Variants in ITIH4 observed in about 807,000 individuals in gnomAD.
ITIH4 encodes the protein inter-alpha-trypsin inhibitor heavy chain H4.
ITIH4 carries 79 observed loss-of-function variants against 111.8 expected under a neutral mutation model. The ratio of observed to expected loss-of-function variants is 0.71; its 90% CI spans 0.59 to 0.85. The LOEUF (loss-of-function observed/expected upper bound fraction) is 0.85, where lower values mean the gene tolerates loss of function less well. Ranked by LOEUF, ITIH4 falls within the 40% of genes least tolerant of loss-of-function variation. The pLI, the probability that ITIH4 is intolerant of heterozygous loss-of-function variation, is 0.00. For missense variants in ITIH4, 1,065 were observed against 1,195.8 expected, an observed-to-expected ratio of 0.89 and a Z score of 1.61; for synonymous variants, 472 against 468.3, an observed-to-expected ratio of 1.01 and a Z score of -0.10.
rs1700447878 is a variant in ITIH4, at chr3:52,824,369, C to T, written c.1045+28G>A. The stretch of plus-strand genomic sequence containing the variant: ...CCCAGCCAGGAGCCCTGGAAGCCCC[C>T]ACCCTGCAGGGCCACAGAGACACTT... On this transcript the variant is annotated intron_variant, in intron 8 of 23. Transcript: ENST00000266041. The surrounding 1 kb of genome is among the most constrained non-coding windows in gnomAD (Gnocchi z 4.3). The T allele has an allele frequency of 1.2e-6, 2 of 1,612,624 alleles. No individual in the cohort carries two copies. Among genetic ancestry groups the T allele is most frequent in the Non-Finnish European group, 1.7e-6 (2 of 1,178,942 alleles).
Position 52,829,171 on chromosome 3 carries a change from C to T in ITIH4, c.199G>A (p.Ala67Thr). The change falls in exon 2 of 24, where the codon GCC becomes ACC. Residue 67 changes from alanine (A) to threonine (T), a missense_variant. Coordinates refer to ENST00000266041, the MANE Select transcript of ITIH4 (RefSeq NM_002218.5). ...VVNRANTVQE[A>T]TFQMELPKKA... is the part of the protein sequence containing the mutation. The stretch of plus-strand genomic sequence containing the variant: ...TTGGGCAGCTCCATCTGGAAGGTGG[C>T]CTCCTGCACAGTATTGGCCCTATTG... The T allele has an allele frequency of 6.2e-7, 1 of 1,612,208 alleles. No individual in the cohort carries two copies. Among genetic ancestry groups the T allele is most frequent in the Non-Finnish European group, 8.5e-7 (1 of 1,178,542 alleles).
intron 2 of ITIH4, among the ~76,000 whole-genome samples, chr3:52,827,850 G>A (rs1700509847): frequency 6.6e-6 from 1 of 152,264 alleles, no homozygotes; most frequent in African/African-American, 2.4e-5. Context: ...AGAAAGAATG[G>A]CCCAGGCCAT....
In ITIH4 at chr3:52,824,643, ACTC is replaced by A. The variant is rs1700453992; in HGVS notation, c.877-81_877-79del. 2.7e-6 allele frequency: 4 copies of A among 1,467,092 alleles called. No individual in the cohort carries two copies. Among genetic ancestry groups the A allele is most frequent in the Admixed American group, 3.8e-5 (2 of 52,832 alleles). 90.9% of individuals were successfully genotyped at this position (1,467,092 alleles called of 1,614,324 possible). A position where few individuals can be genotyped will look rare whatever the true frequency, so the allele number is the denominator to read the frequency against. The stretch of plus-strand genomic sequence containing the variant: ...TGTGCCCTAGGGCTGGCATCCTTGG[ACTC>A]CTGTCTCAGGGGTGAGGTCATGGTA... On this transcript the variant is annotated intron_variant, in intron 7 of 23. Coordinates refer to ENST00000266041, the MANE Select transcript of ITIH4 (RefSeq NM_002218.5). The surrounding 1 kb of genome is among the most constrained non-coding windows in gnomAD (Gnocchi z 4.3).
Position 52,824,609 on chromosome 3 carries a change from G to A in ITIH4, c.877-44C>T, listed in dbSNP as rs374271698. The stretch of plus-strand genomic sequence containing the variant: ...CATAGGTGCTTCAGAAGGGCTCCCT[G>A]AGGGCTCGTGTGCCCTAGGGCTGGC... On this transcript the variant is annotated intron_variant, in intron 7 of 23. Coordinates refer to ENST00000266041, the MANE Select transcript of ITIH4 (RefSeq NM_002218.5). The surrounding 1 kb of genome is among the most constrained non-coding windows in gnomAD (Gnocchi z 4.3). 1.1e-5 allele frequency: 18 copies of A among 1,574,902 alleles called. No individual in the cohort carries two copies. Among genetic ancestry groups the A allele is most frequent in the Non-Finnish European group, 1.6e-5 (18 of 1,159,962 alleles).
intron 14 of ITIH4, 114 bp from the exon 15 acceptor site, chr3:52,820,104 T>C: frequency 7.6e-7 from 1 of 1,310,154 alleles, no homozygotes. Flanking sequence ...AGCCAATATT[T>C]GAATGCACAG....
chr3:52,816,349 G>C (rs1417516594), intron 21 of ITIH4, among the ~76,000 whole-genome samples: 1 of 152,222 alleles, frequency 6.6e-6, no homozygotes, highest in Non-Finnish European at 1.5e-5. Context: ...CCTTAGCAAA[G>C]CTCCAAGGAT....
At position 52,814,237 on chromosome 3, in the gene ITIH4, G is replaced by A. The variant is rs1486998339; in HGVS notation, c.2598C>T (p.Arg866=). The A allele has an allele frequency of 6.2e-7, 1 of 1,613,616 alleles. No individual in the cohort carries two copies. Among genetic ancestry groups the A allele is most frequent in the Admixed American group, 1.7e-5 (1 of 59,994 alleles). Residue 866 remains arginine, a synonymous_variant, in exon 22 of 24, where the codon CGC becomes CGT. Coordinates refer to ENST00000266041, the MANE Select transcript of ITIH4 (RefSeq NM_002218.5). ...GGGTCCCTCCAACGTGGCTGGAGAAGCGGTCAGTGTCACGCAGAAGGAGCC... is the reference window on the plus strand; with the variant it reads ...GGGTCCCTCCAACGTGGCTGGAGAAACGGTCAGTGTCACGCAGAAGGAGCC... ...GLRLLLRDTD[R]FSSHVGGTLG... is the part of the protein sequence containing the mutation.
Position 52,824,639 on chromosome 3 carries a change from T to C in ITIH4, c.877-74A>G, listed in dbSNP as rs1157743841. 4 of 1,481,288 alleles carry C rather than the reference T, an allele frequency of 2.7e-6. No homozygotes were observed. The highest frequency in any genetic ancestry group is 1.8e-4 in the Middle Eastern group (1 of 5,552). 91.8% of individuals were successfully genotyped at this position (1,481,288 alleles called of 1,614,324 possible). ...CTCGTGTGCCCTAGGGCTGGCATCC[T>C]TGGACTCCTGTCTCAGGGGTGAGGT... On this transcript the variant is annotated intron_variant, in intron 7 of 23. Transcript: ENST00000266041. The surrounding 1 kb of genome is among the most constrained non-coding windows in gnomAD (Gnocchi z 4.3).
rs532310437 is a variant in ITIH4 at position 52,825,901 on chromosome 3, G to T, written c.744C>A (p.Ser248=). The T allele has an allele frequency of 1.2e-6, 2 of 1,613,906 alleles. No homozygotes were observed. Among genetic ancestry groups the T allele is most frequent in the South Asian group, 2.2e-5 (2 of 91,052 alleles). The change falls in exon 6 of 24, where the codon TCC becomes TCA. Residue 248 remains serine (S), a synonymous_variant. Coordinates refer to ENST00000266041, the MANE Select transcript of ITIH4 (RefSeq NM_002218.5). ...GTCCACCCACCTGAATGGAGCCCCC[G>T]GAGATGGCCCGGTCCACATCATAGC... ...IIRYDVDRAI[S]GGSIQIENGY... is the part of the protein sequence containing the mutation.
rs1700444341 is a variant in ITIH4 at position 52,824,211 on chromosome 3, T to G, written c.1150A>C (p.Thr384Pro). ...EGSVSLIILL[T>P]DGDPTVGETN... ...TCACCCACAGTGGGGTCGCCATCGG[T>G]GAGCAGGATGATGAGTGAGACACTC... The change falls in exon 9 of 24, where the codon ACC becomes CCC. Residue 384 changes from threonine to proline, a missense_variant. Physicochemically the swap from Thr to Pro is conservative, Grantham distance 38 (BLOSUM62 -1). Coordinates refer to ENST00000266041, the MANE Select transcript of ITIH4 (RefSeq NM_002218.5). The surrounding 1 kb of genome is among the most constrained non-coding windows in gnomAD (Gnocchi z 4.3). 3 of 1,613,200 alleles carry G rather than the reference T, an allele frequency of 1.9e-6. No individual in the cohort carries two copies. The highest frequency in any genetic ancestry group is 2.5e-6 in the Non-Finnish European group (3 of 1,179,972).
intron 23 of ITIH4, 86 bp downstream of exon 23, chr3:52,813,889 A>G: frequency 6.8e-6 from 7 of 1,029,970 alleles, no homozygotes; most frequent in Non-Finnish European, 8.9e-6. Context: ...CAAGGACAGG[A>G]GTGGGGCCCT....
At chr3:52,813,850 C>G in intron 23 of ITIH4, 125 bp downstream of exon 23, 1 of 759,176 alleles carries the variant, frequency 1.3e-6, no homozygotes, top group Non-Finnish European at 2.2e-6. Flanking sequence ...CAGCATCAAC[C>G]TTCCACCGGA....
Position 52,818,252 on chromosome 3 carries a change from C to T in ITIH4, c.2179+5G>A. On this transcript the variant is annotated splice_donor_5th_base_variant and intron_variant, in intron 19 of 23. Coordinates refer to ENST00000266041, the MANE Select transcript of ITIH4 (RefSeq NM_002218.5). ...GGAAAGGGGCCAAGGGGGCTGGGAA[C>T]TTACCTGGGGTTTGGGTTGTCATGG... 1 of 1,583,826 alleles carries T rather than the reference C, an allele frequency of 6.3e-7. No homozygotes were observed.
At chr3:52,826,730 C>T (rs1700484311) in intron 4 of ITIH4, 61 bp downstream of exon 4, 1 of 1,609,144 alleles carries the variant, frequency 6.2e-7, no homozygotes, top group Non-Finnish European at 8.5e-7. Context: ...CAAAGAGGGG[C>T]CGCCCTCAGC....
chr3:52,813,680 T>C (rs1370247493), intron 23 of ITIH4, among the ~76,000 whole-genome samples, 190 bp from the exon 24 acceptor site: 6 of 151,940 alleles, frequency 3.9e-5, no homozygotes, highest in Non-Finnish European at 8.8e-5. Flanking sequence ...GTACGTGAGG[T>C]CTCCAGGGTT....
intron 5 of ITIH4, 75 bp downstream of exon 5, chr3:52,826,466 A>G: frequency 1.8e-6 from 2 of 1,121,206 alleles, no homozygotes; most frequent in Non-Finnish European, 2.7e-6. Flanking sequence ...CCTGCTTTCC[A>G]GAAATCCGGG....
intron 21 of ITIH4, among the ~76,000 whole-genome samples, chr3:52,815,748 A>G (rs553152869): frequency 2.0e-5 from 3 of 150,966 alleles, no homozygotes; most frequent in East Asian, 3.9e-4. Context: ...GCTGGAGCGC[A>G]GTGGTGTTAA....
intron 1 of ITIH4, 84 bp downstream of exon 1, chr3:52,830,469 C>G: frequency 3.1e-6 from 4 of 1,301,628 alleles, no homozygotes; most frequent in Non-Finnish European, 4.5e-6. Context: ...TGTGCTGACA[C>G]GCTGGCACAT....
intron 15 of ITIH4, 32 bp downstream of exon 15, chr3:52,819,908 A>G: frequency 6.2e-7 from 1 of 1,610,980 alleles, no homozygotes; most frequent in Non-Finnish European, 8.5e-7. Flanking sequence ...CAATCTGTCA[A>G]TCTCCCCTCC....
Sources: gnomAD v4.1 joint callset for allele counts (sites outside exome capture counted in the v4.1 genomes callset) on GRCh38, gnomAD v4.1.1 for gene constraint, Gnocchi (gnomAD v3.1) non-coding constraint, MANE v1.5 for transcripts, NCBI Gene and HGNC (gene_info 2026-07-23, HGNC 2026-07-21) for gene names.